TUSC3: variants seen among roughly 807,000 people sequenced by gnomAD.
The protein encoded by TUSC3 is tumor suppressor candidate 3.
A neutral mutation model predicts 44.8 loss-of-function variants in TUSC3; 45 were observed. The observed-to-expected ratio is 1.00, with a 90% CI of 0.79 to 1.29. TUSC3 has a LOEUF of 1.29. TUSC3 is among the 50% of genes most tolerant of loss of function. The probability of loss-of-function intolerance (pLI) is 0.00; values close to 1 mark genes in which losing one functional copy is unlikely to be tolerated. For missense variants in TUSC3, 519 were observed against 437.9 expected (o/e 1.19, Z -1.65); for synonymous variants, 212 against 152.9 (o/e 1.39, Z -2.85).
At chr8:15,694,136 T>C (rs1809042020) in intron 6 of TUSC3, among the ~76,000 whole-genome samples, 1 of 152,120 alleles carries the variant, frequency 6.6e-6, no homozygotes, top group African/African-American at 2.4e-5. Flanking sequence ...ATTTCTGTTA[T>C]TGTAGCCTGG....
intron 1 of TUSC3, among the ~76,000 whole-genome samples, chr8:15,454,653 A>C (rs1800234323): frequency 6.6e-6 from 1 of 152,172 alleles, no homozygotes; most frequent in African/African-American, 2.4e-5. Flanking sequence ...AATCCGTCAA[A>C]TATTACTGAC....
At chr8:15,818,460 A>C in the TUSC3 span, among the ~76,000 whole-genome samples, 5 of 152,158 alleles carry the variant, frequency 3.3e-5, no homozygotes, top group African/African-American at 1.2e-4. Flanking sequence ...GGCAAAATTG[A>C]GTGTTCTTAG....
intron 2 of TUSC3, among the ~76,000 whole-genome samples, chr8:15,642,898 A>G (rs3789001): frequency 0.19 from 28,429 of 152,090 alleles, 2,628 homozygotes; most frequent in South Asian, 0.27. Flanking sequence ...TTATTCATTT[A>G]TTTGCTAATT....
chr8:15,568,689 A>G (rs1404775287), intron 1 of TUSC3, among the ~76,000 whole-genome samples: 3 of 149,738 alleles, frequency 2.0e-5, no homozygotes, highest in East Asian at 3.9e-4. Context: ...TGCAACTTCC[A>G]TCTGCCAGGT....
rs964780071 is a variant in TUSC3, at chr8:15,581,672, C to A, written c.138+41104C>A. On this transcript the variant is annotated intron_variant, in intron 1 of 10. Transcript: ENST00000503731. ...GACCCACTTGAGGAGGCAGTCTGCCCGTTCTCAGATCTCCAGCTGCGTGCT... is the reference window on the plus strand; with the variant it reads ...GACCCACTTGAGGAGGCAGTCTGCCAGTTCTCAGATCTCCAGCTGCGTGCT... Among the ~76,000 whole-genome samples, 373 of 148,676 alleles carry A rather than the reference C, an allele frequency of 2.5e-3. 9 individuals are homozygous for A. The highest frequency in any genetic ancestry group is 0.011 in the Admixed American group (167 of 14,916).
In TUSC3 at chr8:15,522,042, T is replaced by G. The variant is rs77155891; in HGVS notation, n.189+38559T>G. Among the ~76,000 whole-genome samples, 293 of 152,342 alleles carry G rather than the reference T, an allele frequency of 1.9e-3. 1 individual carries two copies. Among genetic ancestry groups the G allele is most frequent in the African/African-American group, 6.9e-3 (285 of 41,586 alleles). On this transcript the variant is annotated intron_variant and non_coding_transcript_variant, in intron 2 of 5. Transcript: ENST00000503191. Reference sequence around the variant, plus strand: ...TTACAATATTCCAACCTCCCTTGCCTCTGATTCTTTCCTCAATGCTATGGC... The same window carrying G: ...TTACAATATTCCAACCTCCCTTGCCGCTGATTCTTTCCTCAATGCTATGGC...
chr8:15,796,727 G>A, the TUSC3 span, among the ~76,000 whole-genome samples: 2 of 152,178 alleles, frequency 1.3e-5, no homozygotes, highest in Non-Finnish European at 2.9e-5. Context: ...TAGTTACCAT[G>A]TTGTATGTAA....
intron 2 of TUSC3, among the ~76,000 whole-genome samples, chr8:15,498,086 G>C (rs1430721095): frequency 6.6e-6 from 1 of 152,088 alleles, no homozygotes; most frequent in African/African-American, 2.4e-5. Context: ...GACAAAAGTA[G>C]GTTTGTATGC....
intron 1 of TUSC3, among the ~76,000 whole-genome samples, chr8:15,555,182 T>C (rs1158831347): frequency 1.5e-5 from 2 of 133,884 alleles, no homozygotes; most frequent in Non-Finnish European, 3.1e-5. Context: ...GAGATCTTAC[T>C]CTGTTGTCCA....
intron 4 of TUSC3, 26 bp downstream of exon 4, chr8:15,659,673 A>G (rs763352594): frequency 1.2e-6 from 2 of 1,610,156 alleles, no homozygotes; most frequent in South Asian, 1.1e-5. Context: ...TCACAGTTTT[A>G]ATAATAGGCT....
intron 1 of TUSC3, among the ~76,000 whole-genome samples, chr8:15,446,864 G>T (rs1699364609): frequency 6.6e-6 from 1 of 150,386 alleles, no homozygotes; most frequent in Non-Finnish European, 1.5e-5. Flanking sequence ...AAAAAAAATG[G>T]AGATGAAAGT....
chr8:15,730,115 AT>A (rs1810657311), intron 6 of TUSC3, among the ~76,000 whole-genome samples: 1 of 152,148 alleles, frequency 6.6e-6, no homozygotes, highest in African/African-American at 2.4e-5. Context: ...CTAGATGGAG[AT>A]TTGTGTTGGA....
chr8:15,449,388 A>T (rs1800163000), intron 1 of TUSC3, among the ~76,000 whole-genome samples: 1 of 152,188 alleles, frequency 6.6e-6, no homozygotes, highest in African/African-American at 2.4e-5. Context: ...GGTGAAGCAG[A>T]GGACACGGAA....
At position 15,734,984 on chromosome 8, in the gene TUSC3, A is replaced by C. The variant is rs372914337; in HGVS notation, c.862+4255A>C. Among the ~76,000 whole-genome samples, 19 of 152,316 alleles carry C rather than the reference A, an allele frequency of 1.2e-4. No homozygotes were observed. In the East Asian group the frequency reaches 3.5e-3, roughly 28 times the overall value. ...GTAGATGCAGTGCAATTAATATGCC[A>C]ATTTTATATATTTGGCATTGGGTAA... On this transcript the variant is annotated intron_variant, in intron 7 of 10. Transcript: ENST00000503731.
chr8:15,531,986 C>T (rs1801457075), intron 2 of TUSC3, among the ~76,000 whole-genome samples: 1 of 152,262 alleles, frequency 6.6e-6, no homozygotes, highest in East Asian at 1.9e-4. Flanking sequence ...ATGCCACTTC[C>T]ATTTTGCTTC....
At chr8:15,806,323 C>T in the TUSC3 span, 3 of 714,036 alleles carry the variant, frequency 4.2e-6, no homozygotes, top group African/African-American at 1.7e-5. Context: ...GGGACACCTT[C>T]CCCCTGCTTC....
At chr8:15,631,325 C>T (rs532658617) in intron 2 of TUSC3, among the ~76,000 whole-genome samples, 1 of 152,262 alleles carries the variant, frequency 6.6e-6, no homozygotes, top group African/African-American at 2.4e-5. Flanking sequence ...GATAATCCCA[C>T]CATTTTTACT....
At chr8:15,749,281 C>T (rs1811586767) in intron 9 of TUSC3, among the ~76,000 whole-genome samples, 1 of 152,098 alleles carries the variant, frequency 6.6e-6, no homozygotes, top group Non-Finnish European at 1.5e-5. Context: ...TCCTCAAAGC[C>T]TACATTTCTT....
chr8:15,653,402 T>A (rs567762358), intron 3 of TUSC3, among the ~76,000 whole-genome samples: 4 of 152,246 alleles, frequency 2.6e-5, no homozygotes, highest in Non-Finnish European at 4.4e-5. Flanking sequence ...GATATTATTA[T>A]CTTTGTGTTG....
Sources: allele counts gnomAD v4.1 joint callset (sites outside exome capture counted in the v4.1 genomes callset), GRCh38; gene constraint gnomAD v4.1.1; transcripts MANE v1.5; gene names NCBI Gene and HGNC (gene_info 2026-07-23, HGNC 2026-07-21).